TMEM132B: variants seen among roughly 807,000 people sequenced by gnomAD.
TMEM132B encodes transmembrane protein 132B.
Under a neutral mutation model 90.8 loss-of-function variants are expected in TMEM132B, and 18 were observed. The ratio of observed to expected loss-of-function variants is 0.20; its 90% CI spans 0.14 to 0.29. The LOEUF (loss-of-function observed/expected upper bound fraction) is 0.29. Ranked by LOEUF, TMEM132B falls within the 10% of genes least tolerant of loss-of-function variation. The pLI is 1.00. For missense variants in TMEM132B, 1,096 were observed against 1,326.8 expected (o/e 0.83, Z 2.70); for synonymous variants, 504 against 523.3 (o/e 0.96, Z 0.50).
chr12:125,468,168 T>G (rs950295438), intron 3 of TMEM132B, among the ~76,000 whole-genome samples: 1 of 151,974 alleles, frequency 6.6e-6, no homozygotes, highest in South Asian at 2.1e-4. Context: ...TATGTTTAAC[T>G]TTTTGAGGAA....
chr12:125,377,044 C>T (rs908619545), intron 2 of TMEM132B, among the ~76,000 whole-genome samples: 1 of 152,186 alleles, frequency 6.6e-6, no homozygotes, highest in Non-Finnish European at 1.5e-5. Context: ...ATATCCAGAC[C>T]CACTCAGAGA....
intron 4 of TMEM132B, among the ~76,000 whole-genome samples, chr12:125,555,057 T>G (rs563697587): frequency 6.6e-6 from 1 of 152,298 alleles, no homozygotes; most frequent in East Asian, 1.9e-4. Flanking sequence ...ATGTGACTGG[T>G]CGCTCATCAT....
At chr12:125,627,462 A>T (rs1211701051) in intron 5 of TMEM132B, among the ~76,000 whole-genome samples, 1 of 152,138 alleles carries the variant, frequency 6.6e-6, no homozygotes, top group Admixed American at 6.5e-5. Flanking sequence ...TCTTTCTAAT[A>T]GGCCTATAAT....
At chr12:125,530,595 T>G (rs1342253354) in intron 4 of TMEM132B, among the ~76,000 whole-genome samples, 2 of 152,240 alleles carry the variant, frequency 1.3e-5, no homozygotes, top group African/African-American at 4.8e-5. Context: ...AAGTCTGAAA[T>G]CAAGGTGTTA....
intron 1 of TMEM132B, among the ~76,000 whole-genome samples, chr12:125,255,194 CG>C (rs1874407031): frequency 6.6e-6 from 1 of 152,144 alleles, no homozygotes; most frequent in Admixed American, 6.5e-5. Context: ...TAGGGGCTTG[CG>C]GGGAGGAGAG....
At chr12:125,306,619 A>G (rs939862916) in intron 1 of TMEM132B, among the ~76,000 whole-genome samples, 1 of 152,190 alleles carries the variant, frequency 6.6e-6, no homozygotes, top group African/African-American at 2.4e-5. Context: ...TCTGTCTTCC[A>G]AATATATTCA....
intron 1 of TMEM132B, among the ~76,000 whole-genome samples, chr12:125,338,094 T>C (rs1419363160): frequency 6.6e-6 from 1 of 152,240 alleles, no homozygotes; most frequent in East Asian, 1.9e-4. Flanking sequence ...AAATATCAAC[T>C]TTATTCCATT....
chr12:125,412,235 C>T (rs1054499166), intron 2 of TMEM132B, among the ~76,000 whole-genome samples: 1 of 152,090 alleles, frequency 6.6e-6, no homozygotes, highest in African/African-American at 2.4e-5. Context: ...ACGAGGGGAC[C>T]TGTGTCTTAG....
At chr12:125,205,368 G>C (rs1443746423) in intron 1 of TMEM132B, among the ~76,000 whole-genome samples, 1 of 151,802 alleles carries the variant, frequency 6.6e-6, no homozygotes, top group African/African-American at 2.4e-5. Flanking sequence ...AGAGCTCCGT[G>C]TGTCAGGCAG....
chr12:125,461,208 C>A (rs139646000), intron 3 of TMEM132B, among the ~76,000 whole-genome samples: 4 of 152,314 alleles, frequency 2.6e-5, no homozygotes, highest in African/African-American at 9.6e-5. Flanking sequence ...GCTATGAGTC[C>A]TCCCTGAATT....
chr12:125,399,265 G>A (rs1343195936), intron 2 of TMEM132B, among the ~76,000 whole-genome samples: 1 of 152,168 alleles, frequency 6.6e-6, no homozygotes, highest in Non-Finnish European at 1.5e-5. Context: ...TAATCATCAG[G>A]AGCCAGGGAT....
intron 1 of TMEM132B, among the ~76,000 whole-genome samples, chr12:125,217,342 T>C (rs1873460455): frequency 6.6e-6 from 1 of 152,160 alleles, no homozygotes; most frequent in Non-Finnish European, 1.5e-5. Context: ...TCCCATCTTA[T>C]ATATTGGGGT....
At chr12:125,276,293 A>G (rs1166555141) in intron 1 of TMEM132B, among the ~76,000 whole-genome samples, 1 of 152,220 alleles carries the variant, frequency 6.6e-6, no homozygotes, top group African/African-American at 2.4e-5. Context: ...AGCTGGTGAC[A>G]GCAGCTGATC....
At chr12:125,539,761 G>T (rs1883905628) in intron 4 of TMEM132B, among the ~76,000 whole-genome samples, 1 of 152,050 alleles carries the variant, frequency 6.6e-6, no homozygotes, top group African/African-American at 2.4e-5. Context: ...GATCAGTCTG[G>T]CTAGAGTTTT....
At chr12:125,351,339 A>C (rs1227861257) in intron 2 of TMEM132B, among the ~76,000 whole-genome samples, 1 of 152,182 alleles carries the variant, frequency 6.6e-6, no homozygotes, top group Admixed American at 6.5e-5. Context: ...GATCATGTTG[A>C]AGCTTGAGTA....
chr12:125,357,128 T>A (rs1428458975), intron 2 of TMEM132B, among the ~76,000 whole-genome samples: 1 of 152,190 alleles, frequency 6.6e-6, no homozygotes, highest in Non-Finnish European at 1.5e-5. Flanking sequence ...TGTTCCCAGA[T>A]AAAGGGAACA....
chr12:125,352,488 C>T (rs962684205), intron 2 of TMEM132B, among the ~76,000 whole-genome samples: 7 of 152,328 alleles, frequency 4.6e-5, no homozygotes, highest in South Asian at 4.1e-4. Flanking sequence ...GTGTGCCCTT[C>T]GGCAAGTCAC....
chr12:125,396,425 A>C lies in TMEM132B; in HGVS notation c.960-19106A>C, dbSNP rs77842504. Among the ~76,000 whole-genome samples, 902 of 152,318 alleles carry C rather than the reference A, an allele frequency of 5.9e-3. 25 individuals carry two copies. The highest frequency in any genetic ancestry group is 0.043 in the Admixed American group (662 of 15,302). On this transcript the variant is annotated intron_variant, in intron 2 of 8. Coordinates refer to ENST00000682704, the MANE Select transcript of TMEM132B (RefSeq NM_001366854.1). ...GTGAACACTGTATAGTACTAATTAT[A>C]TGCCAGGCTCTGTTCTAAGCACTTT... is the stretch of plus-strand genomic sequence containing the variant.
At chr12:125,245,946 G>A (rs1425739515) in intron 1 of TMEM132B, among the ~76,000 whole-genome samples, 5 of 152,204 alleles carry the variant, frequency 3.3e-5, no homozygotes, top group African/African-American at 1.2e-4. Flanking sequence ...TACCTGAGTT[G>A]ATTCACCCGA....
Sources: gnomAD v4.1 joint callset for allele counts (sites outside exome capture counted in the v4.1 genomes callset) on GRCh38, gnomAD v4.1.1 for gene constraint, MANE v1.5 for transcripts, NCBI Gene and HGNC (gene_info 2026-07-23, HGNC 2026-07-21) for gene names.